GAREM1: variants seen among roughly 807,000 people sequenced by gnomAD.
GAREM1 encodes GRB2 associated regulator of MAPK1 subtype 1, also known as GRB2-associated and regulator of MAPK protein 1.
A neutral mutation model predicts 71.3 loss-of-function variants in GAREM1; 26 were observed. That is an observed-to-expected ratio of 0.36 (90% confidence interval 0.27 to 0.51). GAREM1 has a LOEUF of 0.51. Ranked by LOEUF, GAREM1 falls within the 20% of genes least tolerant of loss-of-function variation. The pLI is 0.95. For synonymous variants in GAREM1, 440 were observed against 433.2 expected, an observed-to-expected ratio of 1.02 and a Z score of -0.20; for missense variants, 1,026 against 1,103.1, an observed-to-expected ratio of 0.93 and a Z score of 0.99.
chr18:32,323,743 T>C (rs972008707), intron 2 of GAREM1, among the ~76,000 whole-genome samples: 10 of 152,138 alleles, frequency 6.6e-5, no homozygotes, highest in African/African-American at 1.9e-4. Context: ...AAGGTTCCAA[T>C]ATGTAAAAAG....
chr18:32,337,479 C>A (rs368330955), intron 2 of GAREM1, among the ~76,000 whole-genome samples: 1 of 152,128 alleles, frequency 6.6e-6, no homozygotes, highest in Non-Finnish European at 1.5e-5. Context: ...TAATTCTGTG[C>A]GCTATTACCC....
At chr18:32,359,527 G>C (rs1294298401) in intron 2 of GAREM1, among the ~76,000 whole-genome samples, 1 of 152,172 alleles carries the variant, frequency 6.6e-6, no homozygotes, top group Non-Finnish European at 1.5e-5. Context: ...CCACTCCCCA[G>C]CCTGGGGTGA....
chr18:32,327,337 T>C (rs1335818547), intron 2 of GAREM1, among the ~76,000 whole-genome samples: 7 of 152,208 alleles, frequency 4.6e-5, no homozygotes, highest in Admixed American at 2.6e-4. Context: ...AATTAGTAGA[T>C]GGATTCACTA....
At chr18:32,379,256 C>T (rs1426643463) in intron 2 of GAREM1, among the ~76,000 whole-genome samples, 1 of 152,026 alleles carries the variant, frequency 6.6e-6, no homozygotes, top group East Asian at 1.9e-4. Flanking sequence ...CCAGTTGTCC[C>T]CTCTTCACTC....
intron 1 of GAREM1, among the ~76,000 whole-genome samples, chr18:32,396,275 C>G (rs554920980): frequency 2.0e-5 from 3 of 152,190 alleles, no homozygotes; most frequent in Non-Finnish European, 2.9e-5. Context: ...TTCAAAGGAA[C>G]GCAGCTCCTC....
chr18:32,429,236 A>C (rs2048602231), intron 1 of GAREM1, among the ~76,000 whole-genome samples: 1 of 152,160 alleles, frequency 6.6e-6, no homozygotes, highest in Non-Finnish European at 1.5e-5. Flanking sequence ...ACTATATGTC[A>C]TTCTACACTA....
intron 2 of GAREM1, among the ~76,000 whole-genome samples, chr18:32,316,473 G>A (rs1010994658): frequency 1.3e-5 from 2 of 152,064 alleles, no homozygotes; most frequent in African/African-American, 2.4e-5. Context: ...TTATTTTTGA[G>A]ACAAGGTCTG....
chr18:32,282,613 G>A (rs2046966389), intron 4 of GAREM1, among the ~76,000 whole-genome samples: 1 of 151,762 alleles, frequency 6.6e-6, no homozygotes, highest in Non-Finnish European at 1.5e-5. Context: ...TCAGCTCACT[G>A]TTGGCCAACT....
At chr18:32,346,708 G>C (rs755211251) in intron 2 of GAREM1, among the ~76,000 whole-genome samples, 3 of 152,224 alleles carry the variant, frequency 2.0e-5, no homozygotes, top group Admixed American at 6.5e-5. Context: ...GACATTGAAA[G>C]GGAAGCAGTG....
chr18:32,268,647 C>G lies in GAREM1; in HGVS notation c.1855G>C (p.Ala619Pro), dbSNP rs374273244. ...KSPFGSPSAE[A>P]VSSRLSWPNH... is the part of the protein sequence containing the mutation. The stretch of plus-strand genomic sequence containing the variant: ...GGCCATGAGAGCCGAGAGGACACAG[C>G]TTCAGCAGAAGGACTTCCAAACGGG... The change falls in exon 6 of 6, where the codon GCT becomes CCT. Residue 619 changes from alanine (A) to proline (P), a missense_variant. Ala to Pro is a conservative substitution (Grantham distance 27). Transcript: ENST00000269209. 7 of 1,614,066 alleles carry G rather than the reference C, an allele frequency of 4.3e-6. No homozygotes were observed. In the African/African-American group the frequency reaches 6.7e-5, roughly 15 times the overall value.
At chr18:32,326,905 T>C (rs571828824) in intron 2 of GAREM1, among the ~76,000 whole-genome samples, 100 of 152,364 alleles carry the variant, frequency 6.6e-4, no homozygotes, top group African/African-American at 2.1e-3. Flanking sequence ...GGGGCAGTTA[T>C]GTAAACAGGG....
rs1381150343 is a variant in GAREM1, at chr18:32,470,767, T to G, written c.-339A>C. Among the ~76,000 whole-genome samples the G allele has an allele frequency of 6.7e-6, 1 of 149,348 alleles. No homozygotes were observed. The highest frequency in any genetic ancestry group is 1.5e-5 in the Non-Finnish European group (1 of 66,894). ...CCTCCTCTGGCCCTGGGTCTGCAGC[T>G]GCGGCGGCCGCCCGCTCGCCTCCTC... On this transcript the variant is annotated 5_prime_UTR_variant, in exon 1 of 6. Transcript: ENST00000269209. The surrounding 1 kb of genome is among the most constrained non-coding windows in gnomAD (Gnocchi z 4.4).
At chr18:32,317,681 T>A (rs1009200338) in intron 2 of GAREM1, among the ~76,000 whole-genome samples, 2 of 150,866 alleles carry the variant, frequency 1.3e-5, no homozygotes, top group African/African-American at 4.9e-5. Context: ...TATGAACTTT[T>A]ATTTCGCTGT....
At chr18:32,277,987 A>C (rs1024400218) in intron 4 of GAREM1, among the ~76,000 whole-genome samples, 1 of 152,164 alleles carries the variant, frequency 6.6e-6, no homozygotes, top group Non-Finnish European at 1.5e-5. Context: ...GGGGTTTATG[A>C]AACAATATGT....
chr18:32,434,506 C>T (rs1373227657), intron 1 of GAREM1, among the ~76,000 whole-genome samples: 1 of 151,858 alleles, frequency 6.6e-6, no homozygotes, highest in Non-Finnish European at 1.5e-5. Flanking sequence ...GATGGGGGCA[C>T]ACTGAAGGAC....
chr18:32,329,434 G>A (rs969439036), intron 2 of GAREM1, among the ~76,000 whole-genome samples: 2 of 151,890 alleles, frequency 1.3e-5, no homozygotes, highest in South Asian at 2.1e-4. Flanking sequence ...CTGGCTGGGT[G>A]TAGTCGCTCA....
intron 2 of GAREM1, among the ~76,000 whole-genome samples, chr18:32,382,516 G>A (rs987217462): frequency 2.6e-5 from 4 of 152,210 alleles, no homozygotes; most frequent in Admixed American, 1.3e-4. Flanking sequence ...CTGCTGGGTT[G>A]TCTGCTGGAG....
intron 2 of GAREM1, among the ~76,000 whole-genome samples, chr18:32,314,819 CCTCGTGAT>C (rs1470866573): frequency 6.6e-6 from 1 of 151,962 alleles, no homozygotes; most frequent in Non-Finnish European, 1.5e-5. Context: ...AAACTCCTGA[CCTCGTGAT>C]CCACCTGCCT....
chr18:32,449,248 A>G (rs534171184), intron 1 of GAREM1, among the ~76,000 whole-genome samples: 26 of 152,376 alleles, frequency 1.7e-4, no homozygotes, highest in African/African-American at 6.3e-4. Context: ...TAATTATTAT[A>G]CAGAAATAAA....
Sources: gnomAD v4.1 joint callset for allele counts (sites outside exome capture counted in the v4.1 genomes callset) on GRCh38, gnomAD v4.1.1 for gene constraint, Gnocchi (gnomAD v3.1) non-coding constraint, MANE v1.5 for transcripts, NCBI Gene and HGNC (gene_info 2026-07-23, HGNC 2026-07-21) for gene names.